The following GALNT13 variants were observed in gnomAD, a reference collection of about 807,000 sequenced individuals.
GALNT13 encodes the protein polypeptide N-acetylgalactosaminyltransferase 13.
Under a neutral mutation model 64.2 loss-of-function variants are expected in GALNT13, and 28 were observed. That is an observed-to-expected ratio of 0.44 (90% CI 0.32 to 0.60). GALNT13 has a LOEUF of 0.60. Ranked by LOEUF, GALNT13 falls within the 20% of genes least tolerant of loss-of-function variation. The probability of loss-of-function intolerance (pLI) is 0.05; values close to 1 mark genes in which losing one functional copy is unlikely to be tolerated. For missense variants in GALNT13, 577 were observed against 669.8 expected, an observed-to-expected ratio of 0.86 and a Z score of 1.53; for synonymous variants, 214 against 224.6, an observed-to-expected ratio of 0.95 and a Z score of 0.42.
intron 2 of GALNT13, among the ~76,000 whole-genome samples, chr2:153,902,988 A>G (rs994120666): frequency 3.9e-5 from 6 of 152,094 alleles, no homozygotes. Context: ...GATGTTGCCA[A>G]TAATCAGAGA....
the GALNT13 span, among the ~76,000 whole-genome samples, chr2:153,301,311 A>AAAAAAAAAAAAAAG: frequency 9.7e-6 from 1 of 102,810 alleles, no homozygotes; most frequent in Non-Finnish European, 2.4e-5. Context: ...CTCCTTCTCA[A>AAAAAAAAAAAAAAG]AAAAAAAGAA....
intron 9 of GALNT13, among the ~76,000 whole-genome samples, chr2:154,373,429 C>A (rs1222605134): frequency 6.6e-6 from 1 of 152,098 alleles, no homozygotes; most frequent in Non-Finnish European, 1.5e-5. Flanking sequence ...CATTCAAAAC[C>A]TTGAAGATAA....
At chr2:154,142,958 A>C (rs1683349047) in intron 4 of GALNT13, among the ~76,000 whole-genome samples, 1 of 152,140 alleles carries the variant, frequency 6.6e-6, no homozygotes, top group African/African-American at 2.4e-5. Flanking sequence ...TTAGATGCTA[A>C]GTTTATAATG....
the GALNT13 span, among the ~76,000 whole-genome samples, chr2:153,325,872 T>C: frequency 1.3e-5 from 2 of 152,348 alleles, no homozygotes; most frequent in African/African-American, 2.4e-5. Flanking sequence ...CTGTTTGTTA[T>C]GATTTCTGTT....
chr2:153,899,935 ATTTTT>A (rs1167875826), intron 1 of GALNT13, among the ~76,000 whole-genome samples: 54 of 98,150 alleles, frequency 5.5e-4, no homozygotes, highest in Middle Eastern at 7.5e-3. Flanking sequence ...ATATATATAT[ATTTTT>A]TTTTTTTTTT....
chr2:154,437,577 CT>C, intron 11 of GALNT13: 1 of 1,281,914 alleles, frequency 7.8e-7, no homozygotes, highest in Non-Finnish European at 1.0e-6. Context: ...CCTCATGAGG[CT>C]GGGCATGGCG....
chr2:153,615,993 C>G, the GALNT13 span, among the ~76,000 whole-genome samples: 1 of 152,042 alleles, frequency 6.6e-6, no homozygotes, highest in Non-Finnish European at 1.5e-5. Flanking sequence ...GGGAATTACT[C>G]AAGAAATTCT....
intron 1 of GALNT13, among the ~76,000 whole-genome samples, chr2:153,887,577 T>C (rs1372657667): frequency 2.0e-5 from 3 of 151,882 alleles, no homozygotes; most frequent in African/African-American, 7.3e-5. Flanking sequence ...CATTTCATGA[T>C]AAATATTATG....
intron 11 of GALNT13, among the ~76,000 whole-genome samples, chr2:154,438,191 A>G (rs994617919): frequency 1.3e-5 from 2 of 151,420 alleles, no homozygotes; most frequent in Non-Finnish European, 2.9e-5. Context: ...TATATGAAAA[A>G]ATGACATTGT....
chr2:153,869,865 CA>C (rs1389464678), upstream of GALNT13, among the ~76,000 whole-genome samples: 1 of 152,092 alleles, frequency 6.6e-6, no homozygotes, highest in Admixed American at 6.6e-5. Flanking sequence ...GAGACACCAG[CA>C]AATGTACGTC....
chr2:153,341,671 A>T, the GALNT13 span, among the ~76,000 whole-genome samples: 3 of 152,204 alleles, frequency 2.0e-5, no homozygotes, highest in Non-Finnish European at 2.9e-5. Flanking sequence ...AGTAGGAAAA[A>T]CTGCACAGAA....
At chr2:154,224,357 G>T (rs1477259336) in intron 4 of GALNT13, among the ~76,000 whole-genome samples, 1 of 151,982 alleles carries the variant, frequency 6.6e-6, no homozygotes. Flanking sequence ...TCAAACTCTA[G>T]TTAATAAAGC....
the GALNT13 span, among the ~76,000 whole-genome samples, chr2:153,679,617 C>A: frequency 6.6e-6 from 1 of 151,872 alleles, no homozygotes; most frequent in African/African-American, 2.4e-5. Context: ...ATTATCCTTT[C>A]TGAATCTTAA....
At chr2:154,020,165 T>A (rs1225874808) in intron 3 of GALNT13, among the ~76,000 whole-genome samples, 4 of 152,214 alleles carry the variant, frequency 2.6e-5, no homozygotes, top group African/African-American at 4.8e-5. Context: ...AACATATGTG[T>A]GCATGTGTCT....
intron 11 of GALNT13, among the ~76,000 whole-genome samples, chr2:154,425,141 A>G (rs1418404482): frequency 6.6e-6 from 1 of 152,188 alleles, no homozygotes; most frequent in Non-Finnish European, 1.5e-5. Flanking sequence ...TTATATATGT[A>G]ACAATTTTAT....
At chr2:153,673,702 G>C in the GALNT13 span, among the ~76,000 whole-genome samples, 130 of 152,234 alleles carry the variant, frequency 8.5e-4, no homozygotes, top group African/African-American at 2.9e-3. Context: ...GGAAGTTCTG[G>C]CCAGGGCAAT....
At chr2:154,225,165 GA>G in intron 4 of GALNT13, among the ~76,000 whole-genome samples, 1 of 92,730 alleles carries the variant, frequency 1.1e-5, no homozygotes, top group Non-Finnish European at 2.7e-5. Context: ...ATAGATGATA[GA>G]TAGATAGATA....
the GALNT13 span, among the ~76,000 whole-genome samples, chr2:153,375,018 G>A: frequency 1.3e-5 from 2 of 152,176 alleles, no homozygotes; most frequent in African/African-American, 4.8e-5. Flanking sequence ...ACCTGGGACA[G>A]TGACTATAGT....
At chr2:154,114,777 T>G (rs539252569) in intron 3 of GALNT13, among the ~76,000 whole-genome samples, 8 of 152,336 alleles carry the variant, frequency 5.3e-5, no homozygotes, top group African/African-American at 1.4e-4. Context: ...CTATTAATTT[T>G]AATTCTAGGA....
Sources: allele counts gnomAD v4.1 joint callset (sites outside exome capture counted in the v4.1 genomes callset), GRCh38; gene constraint gnomAD v4.1.1; transcripts MANE v1.5; gene names NCBI Gene and HGNC (gene_info 2026-07-23, HGNC 2026-07-21).